Variants in ENAH observed in about 807,000 individuals in gnomAD.
ENAH encodes protein enabled homolog.
ENAH carries 23 observed loss-of-function variants against 78.7 expected under a neutral mutation model. The ratio of observed to expected loss-of-function variants is 0.29; its 90% CI spans 0.21 to 0.41. The LOEUF (loss-of-function observed/expected upper bound fraction) is 0.41. Ranked by LOEUF, ENAH falls within the 10% of genes least tolerant of loss-of-function variation. The pLI is 1.00. For synonymous variants in ENAH, 226 were observed against 241.0 expected, an observed-to-expected ratio of 0.94 and a Z score of 0.58; for missense variants, 544 against 691.0, an observed-to-expected ratio of 0.79 and a Z score of 2.39.
intron 10 of ENAH, among the ~76,000 whole-genome samples, chr1:225,511,197 T>C (rs1330047569): frequency 2.6e-5 from 4 of 152,206 alleles, no homozygotes; most frequent in Non-Finnish European, 4.4e-5. Context: ...AGGAGTTCAA[T>C]AGATAGTCCA....
chr1:225,620,944 G>A (rs528565310), intron 1 of ENAH, among the ~76,000 whole-genome samples: 53 of 151,548 alleles, frequency 3.5e-4, no homozygotes, highest in African/African-American at 1.1e-3. Context: ...GGCAGAGACT[G>A]CAGTCAGCCG....
chr1:225,568,560 C>T (rs1310697917), intron 1 of ENAH, among the ~76,000 whole-genome samples: 2 of 152,216 alleles, frequency 1.3e-5, no homozygotes, highest in African/African-American at 2.4e-5. Context: ...TCTGAAGTAG[C>T]TCGTGCAACC....
intron 11 of ENAH, among the ~76,000 whole-genome samples, chr1:225,501,796 A>G (rs2096283561): frequency 6.6e-6 from 1 of 152,200 alleles, no homozygotes. Flanking sequence ...GTCAATTATT[A>G]TTGCACTTTC....
intron 3 of ENAH, among the ~76,000 whole-genome samples, chr1:225,537,610 T>C (rs190820818): frequency 7.2e-4 from 109 of 152,286 alleles, no homozygotes; most frequent in Non-Finnish European, 1.3e-3. Flanking sequence ...CCAGGTTGAG[T>C]AAATTCAGTA....
chr1:225,529,774 G>A (rs1474323350), intron 4 of ENAH, among the ~76,000 whole-genome samples: 1 of 152,176 alleles, frequency 6.6e-6, no homozygotes, highest in Non-Finnish European at 1.5e-5. Flanking sequence ...TCAGCAGGTA[G>A]AGAGAACGGG....
At chr1:225,576,749 C>T (rs565615079) in intron 1 of ENAH, among the ~76,000 whole-genome samples, 22 of 152,264 alleles carry the variant, frequency 1.4e-4, no homozygotes, top group African/African-American at 4.6e-4. Context: ...AGCAAGAGGG[C>T]GGCCATCTGC....
Position 225,493,321 on chromosome 1 carries a change from A to G in ENAH, c.*4454T>C, listed in dbSNP as rs1413690227. The G allele has an allele frequency of 6.6e-6, 1 of 152,212 alleles. No homozygotes were observed. Among genetic ancestry groups the G allele is most frequent in the Non-Finnish European group, 1.5e-5 (1 of 68,022 alleles). The allele number at this position is 152,212 out of a possible 1,614,324, so 9.4% of individuals were successfully genotyped here. A position where few individuals can be genotyped will look rare whatever the true frequency, so the allele number is the denominator to read the frequency against. On this transcript the variant is annotated 3_prime_UTR_variant, in exon 14 of 14. Transcript: ENST00000366843. Reference sequence around the variant, plus strand: ...TGACTTCAGCTGCTTAGTCAAATCTACAAATCCTCAAAAGAAAACTCTTCT... The same window carrying G: ...TGACTTCAGCTGCTTAGTCAAATCTGCAAATCCTCAAAAGAAAACTCTTCT...
chr1:225,587,972 A>C (rs2096855637), intron 1 of ENAH, among the ~76,000 whole-genome samples: 2 of 152,202 alleles, frequency 1.3e-5, no homozygotes, highest in African/African-American at 2.4e-5. Flanking sequence ...CCATACAAAA[A>C]AATTATTCAA....
intron 2 of ENAH, among the ~76,000 whole-genome samples, chr1:225,556,626 T>G (rs2096668380): frequency 6.6e-6 from 1 of 152,200 alleles, no homozygotes; most frequent in African/African-American, 2.4e-5. Flanking sequence ...CTTATGCCAT[T>G]CTATGAATCG....
chr1:225,530,626 G>C lies in ENAH; in HGVS notation c.362C>G (p.Pro121Arg). The change falls in exon 4 of 14, where the codon CCT (proline) becomes CGT (arginine). Residue 121 changes from proline to arginine, a missense_variant. Transcript: ENST00000366843. ...AGCAGGTAGTTGTGAGTTTTGTCTA[G>C]GCAATGTTGGCCCTACAGAGGGAGA... ...LNSQETGPTL[P>R]RQNSQLPAQV... 6.2e-7 allele frequency: 1 copy of C among 1,612,812 alleles called. No homozygotes were observed. Among genetic ancestry groups the C allele is most frequent in the Non-Finnish European group, 8.5e-7 (1 of 1,179,022 alleles).
intron 8 of ENAH, 41 bp downstream of exon 8, chr1:225,512,830 C>T: frequency 6.2e-7 from 1 of 1,608,912 alleles, no homozygotes; most frequent in Non-Finnish European, 8.5e-7. Flanking sequence ...AATTAAAATC[C>T]TCTCAATTCT....
chr1:225,597,425 C>G (rs940078482), intron 1 of ENAH, among the ~76,000 whole-genome samples: 3 of 151,908 alleles, frequency 2.0e-5, no homozygotes, highest in African/African-American at 7.3e-5. Context: ...CTTGAGAGGC[C>G]GAGGCAGGAG....
intron 3 of ENAH, among the ~76,000 whole-genome samples, chr1:225,546,878 CT>C (rs759152992): frequency 1.8e-4 from 27 of 152,318 alleles, no homozygotes; most frequent in Middle Eastern, 3.4e-3. Flanking sequence ...ACGTACCTTT[CT>C]TTCTAAAACC....
intron 1 of ENAH, among the ~76,000 whole-genome samples, chr1:225,641,594 C>T (rs1366653047): frequency 1.3e-5 from 2 of 151,688 alleles, no homozygotes; most frequent in African/African-American, 2.4e-5. Flanking sequence ...TCAGTATTAC[C>T]GAAGATACAA....
At chr1:225,528,617 A>C (rs1028913334) in intron 4 of ENAH, among the ~76,000 whole-genome samples, 15 of 152,112 alleles carry the variant, frequency 9.9e-5, no homozygotes, top group Admixed American at 9.2e-4. Context: ...AATGCATATA[A>C]ATAAACCCAT....
At chr1:225,648,485 C>A (rs1335147784) in intron 1 of ENAH, among the ~76,000 whole-genome samples, 1 of 152,210 alleles carries the variant, frequency 6.6e-6, no homozygotes, top group Non-Finnish European at 1.5e-5. Flanking sequence ...TATCCAACAC[C>A]TTGAATACTG....
chr1:225,508,056 T>C, intron 10 of ENAH, 39 bp from the exon 11 acceptor site: 1 of 1,306,550 alleles, frequency 7.7e-7, no homozygotes, highest in Non-Finnish European at 1.1e-6. Flanking sequence ...AATAAATAAA[T>C]GCTTCCAGAG....
chr1:225,617,368 A>T (rs1425382029), intron 1 of ENAH, among the ~76,000 whole-genome samples: 4 of 152,178 alleles, frequency 2.6e-5, no homozygotes, highest in Non-Finnish European at 1.5e-5. Context: ...ACCACAAAAG[A>T]CGTTCTAGTA....
chr1:225,566,221 G>A (rs564437567), intron 2 of ENAH, among the ~76,000 whole-genome samples: 9 of 151,964 alleles, frequency 5.9e-5, no homozygotes, highest in Non-Finnish European at 7.4e-5. Context: ...TTCTTTCTAC[G>A]GGGTGTAGCC....
Sources: gnomAD v4.1 joint callset for allele counts (sites outside exome capture counted in the v4.1 genomes callset) on GRCh38, gnomAD v4.1.1 for gene constraint, MANE v1.5 for transcripts, NCBI Gene and HGNC (gene_info 2026-07-23, HGNC 2026-07-21) for gene names.